The following LIN52 variants were observed in gnomAD, a reference collection of about 807,000 sequenced individuals.
The protein encoded by LIN52 is lin-52 DREAM MuvB core complex component.
In LIN52, 4 loss-of-function variants were observed where a neutral mutation model predicts 18.5. The observed-to-expected ratio is 0.22, with a 90% CI of 0.11 to 0.49. The LOEUF (loss-of-function observed/expected upper bound fraction) is 0.49. Ranked by LOEUF, LIN52 falls within the 20% of genes least tolerant of loss-of-function variation. The pLI, the probability that LIN52 is intolerant of heterozygous loss-of-function variation, is 0.97. For missense variants in LIN52, 102 were observed against 139.5 expected, an observed-to-expected ratio of 0.73 and a Z score of 1.35; for synonymous variants, 34 against 45.5, an observed-to-expected ratio of 0.75 and a Z score of 1.02.
chr14:74,093,794 C>T (rs756829693), intron 2 of LIN52, among the ~76,000 whole-genome samples: 2 of 152,058 alleles, frequency 1.3e-5, no homozygotes, highest in South Asian at 2.1e-4. Context: ...GGCGAAACCC[C>T]GTTTCTACTA....
chr14:74,112,495 T>C (rs1290499450), intron 5 of LIN52, among the ~76,000 whole-genome samples: 1 of 152,174 alleles, frequency 6.6e-6, no homozygotes, highest in Non-Finnish European at 1.5e-5. Flanking sequence ...AAAAATGGGT[T>C]AAGTTCTCTT....
intron 5 of LIN52, among the ~76,000 whole-genome samples, chr14:74,153,328 T>C (rs1257289022): frequency 6.6e-6 from 1 of 152,238 alleles, no homozygotes; most frequent in Non-Finnish European, 1.5e-5. Context: ...TGTGTGTGTA[T>C]GCTTTATGGC....
At chr14:74,175,618 G>A (rs937327473) in intron 5 of LIN52, among the ~76,000 whole-genome samples, 2 of 151,704 alleles carry the variant, frequency 1.3e-5, no homozygotes, top group African/African-American at 4.8e-5. Flanking sequence ...GATTGCTTGA[G>A]CCCAGGAGTG....
chr14:74,129,407 G>C (rs1226588218), intron 5 of LIN52, among the ~76,000 whole-genome samples: 2 of 152,310 alleles, frequency 1.3e-5, no homozygotes, highest in African/African-American at 4.8e-5. Flanking sequence ...TTAGAATATG[G>C]ATGTGTTGGC....
At chr14:74,123,613 T>G (rs1432407631) in intron 5 of LIN52, among the ~76,000 whole-genome samples, 1 of 152,196 alleles carries the variant, frequency 6.6e-6, no homozygotes, top group Non-Finnish European at 1.5e-5. Flanking sequence ...CAGGAGGATG[T>G]GTAGCATTAA....
At chr14:74,127,386 T>A (rs922336461) in intron 5 of LIN52, among the ~76,000 whole-genome samples, 1 of 152,226 alleles carries the variant, frequency 6.6e-6, no homozygotes, top group African/African-American at 2.4e-5. Flanking sequence ...AACAGCAAAG[T>A]CTGGTAGTGG....
At chr14:74,129,193 A>C (rs1046907736) in intron 5 of LIN52, among the ~76,000 whole-genome samples, 12 of 152,112 alleles carry the variant, frequency 7.9e-5, no homozygotes, top group Non-Finnish European at 1.3e-4. Flanking sequence ...TCAGAGTTTG[A>C]CTCTTAAGAG....
intron 5 of LIN52, among the ~76,000 whole-genome samples, chr14:74,177,395 G>A (rs1380161657): frequency 1.3e-5 from 2 of 152,098 alleles, no homozygotes; most frequent in African/African-American, 4.8e-5. Flanking sequence ...GGGGATGTTT[G>A]TATATTATGC....
intron 5 of LIN52, among the ~76,000 whole-genome samples, chr14:74,112,131 C>T (rs770704508): frequency 6.6e-5 from 10 of 152,166 alleles, no homozygotes; most frequent in Non-Finnish European, 1.0e-4. Context: ...CCGCCCACCT[C>T]GGCCTCCCAA....
chr14:74,174,588 A>G (rs529646151), intron 5 of LIN52: 9 of 152,022 alleles, frequency 5.9e-5, no homozygotes, highest in African/African-American at 2.2e-4. Flanking sequence ...TTCAGCATCA[A>G]TATGGTGACC....
rs931045877 is a variant in LIN52, at chr14:74,200,359, G to C, written c.*1382G>C. ...ATTCGGGAGGTGGAGGTTGCAGTGA[G>C]CCGAAATTATGCCACTGCACTCCAG... On this transcript the variant is annotated 3_prime_UTR_variant, in exon 6 of 6. Transcript: ENST00000555028. The C allele has an allele frequency of 7.2e-6, 1 of 139,632 alleles. No homozygotes were observed. Among genetic ancestry groups the C allele is most frequent in the African/African-American group, 2.7e-5 (1 of 37,012 alleles). The allele number at this position is 139,632 out of a possible 1,614,324, so 8.6% of individuals were successfully genotyped here.
chr14:74,158,566 C>T (rs978632275), intron 5 of LIN52, among the ~76,000 whole-genome samples: 1 of 152,202 alleles, frequency 6.6e-6, no homozygotes, highest in African/African-American at 2.4e-5. Flanking sequence ...GCAACCTCCA[C>T]CTCCCGGGTT....
intron 5 of LIN52, among the ~76,000 whole-genome samples, chr14:74,183,066 G>A (rs991739625): frequency 5.3e-5 from 8 of 150,810 alleles, no homozygotes; most frequent in African/African-American, 1.7e-4. Context: ...ATAAACATTC[G>A]TGACATGAAA....
chr14:74,109,628 A>G (rs752822164), intron 5 of LIN52, among the ~76,000 whole-genome samples: 1 of 152,244 alleles, frequency 6.6e-6, no homozygotes, highest in African/African-American at 2.4e-5. Flanking sequence ...TTCCAACATC[A>G]ACAATGTTTT....
intron 1 of LIN52, chr14:74,085,653 A>C (rs2060723751): frequency 6.6e-6 from 1 of 152,150 alleles, no homozygotes. Flanking sequence ...AGGCTGAGTG[A>C]ATTAACGATT....
chr14:74,187,103 G>A (rs2061344377), intron 5 of LIN52, among the ~76,000 whole-genome samples: 1 of 152,032 alleles, frequency 6.6e-6, no homozygotes, highest in Admixed American at 6.6e-5. Context: ...TAAAAAAGAA[G>A]AAAGAATTTC....
At chr14:74,119,848 T>C (rs1166034714) in intron 5 of LIN52, among the ~76,000 whole-genome samples, 1 of 151,914 alleles carries the variant, frequency 6.6e-6, no homozygotes, top group East Asian at 1.9e-4. Flanking sequence ...TTTTTTTTTT[T>C]TTTTTAGATG....
rs569361433 is a variant in LIN52 at position 74,195,579 on chromosome 14, C to T, written c.284-3343C>T. 2.1e-4 allele frequency among the ~76,000 whole-genome samples: 31 copies of T among 145,888 alleles called. No homozygotes were observed. In the East Asian group the frequency reaches 4.9e-3, roughly 23 times the overall value. Reference sequence around the variant, plus strand: ...GTATGTGTGTGTGTGTGTGTGTGCGCGTGTAGACGAGGAATACAGAATAGT... The same window carrying T: ...GTATGTGTGTGTGTGTGTGTGTGCGTGTGTAGACGAGGAATACAGAATAGT... On this transcript the variant is annotated intron_variant, in intron 5 of 5. Coordinates refer to ENST00000555028, the MANE Select transcript of LIN52 (RefSeq NM_001024674.3).
chr14:74,177,181 A>C (rs566190427), intron 5 of LIN52, among the ~76,000 whole-genome samples: 1 of 152,178 alleles, frequency 6.6e-6, no homozygotes, highest in South Asian at 2.1e-4. Context: ...TATCTTTAGT[A>C]GGGATGGGGT....
Sources: allele counts gnomAD v4.1 joint callset (sites outside exome capture counted in the v4.1 genomes callset), GRCh38; gene constraint gnomAD v4.1.1; transcripts MANE v1.5; gene names NCBI Gene and HGNC (gene_info 2026-07-23, HGNC 2026-07-21).